Variants in RPS6KA3 observed in about 807,000 individuals in gnomAD.
The protein encoded by RPS6KA3 is ribosomal protein S6 kinase alpha-3.
In RPS6KA3, 4 loss-of-function variants were observed where a neutral mutation model predicts 67.2. That is an observed-to-expected ratio of 0.06 (90% CI 0.03 to 0.14). The LOEUF (loss-of-function observed/expected upper bound fraction) is 0.14, where lower values mean the gene tolerates loss of function less well. Ranked by LOEUF, RPS6KA3 falls within the 10% of genes least tolerant of loss-of-function variation. The pLI, the probability that RPS6KA3 is intolerant of heterozygous loss-of-function variation, is 1.00. For synonymous variants in RPS6KA3, 182 were observed against 183.7 expected (o/e 0.99, Z 0.07); for missense variants, 204 against 559.0 (o/e 0.36, Z 6.40).
chrX:20,192,592 C>CTTTTTTT (rs1159974637), intron 7 of RPS6KA3, among the ~76,000 whole-genome samples: 5 of 45,414 alleles, frequency 1.1e-4, no homozygotes, highest in Non-Finnish European at 1.8e-4. Flanking sequence ...TGTAAATTTT[C>CTTTTTTT]TTTTTTTTTT....
chrX:20,259,052 T>G (rs1244191370), intron 1 of RPS6KA3, among the ~76,000 whole-genome samples: 1 of 112,063 alleles, frequency 8.9e-6, no homozygotes, highest in Non-Finnish European at 1.9e-5. Flanking sequence ...AATCACTATT[T>G]ATTATTTGGT....
intron 16 of RPS6KA3, among the ~76,000 whole-genome samples, chrX:20,169,127 A>G (rs755305707): frequency 8.9e-6 from 1 of 112,190 alleles, no homozygotes; most frequent in East Asian, 2.8e-4. Flanking sequence ...TACTGGGATT[A>G]CAGGTGTGAG....
intron 1 of RPS6KA3, among the ~76,000 whole-genome samples, chrX:20,258,120 T>C (rs1224777304): frequency 8.9e-6 from 1 of 112,037 alleles, no homozygotes; most frequent in East Asian, 2.8e-4. Flanking sequence ...TGCATTCAAT[T>C]TGTACTAATC....
At chrX:20,249,187 G>A (rs756586961) in intron 1 of RPS6KA3, among the ~76,000 whole-genome samples, 4 of 111,804 alleles carry the variant, frequency 3.6e-5, no homozygotes, top group Non-Finnish European at 7.5e-5. Context: ...TCCATGATGT[G>A]GATGTGCTAG....
chrX:20,156,880 G>A (rs1415651313), intron 20 of RPS6KA3, among the ~76,000 whole-genome samples: 1 of 60,345 alleles, frequency 1.7e-5, no homozygotes, highest in Non-Finnish European at 3.0e-5. Context: ...CTTTTTTTGT[G>A]CTGCTGGTAA....
At position 20,241,809 on chromosome X, in the gene RPS6KA3, T is replaced by A. The variant is rs1013902706; in HGVS notation, c.70-6995A>T. 1.2e-4 allele frequency: 13 copies of A among 111,869 alleles called. No homozygotes were observed. The East Asian group carries it at 3.6e-3, about 31-fold the overall frequency. 9.2% of individuals were successfully genotyped at this position (111,869 alleles called of 1,213,427 possible). A position where few individuals can be genotyped will look rare whatever the true frequency, so the allele number is the denominator to read the frequency against. ...CATTGAAGTAATCACTTACAGAGAA[T>A]TGAAAAGGAAAAGTTATGATCTAAG... On this transcript the variant is annotated intron_variant, in intron 1 of 21. Transcript: ENST00000379565.
rs73447147 is a variant in RPS6KA3 at position 20,258,802 on chromosome X, C to T, written c.69+7762G>A. Among the ~76,000 whole-genome samples the T allele has an allele frequency of 1.4e-3, 155 of 112,296 alleles. 1 individual carries two copies. Among genetic ancestry groups the T allele is most frequent in the Middle Eastern group, 4.6e-3 (1 of 217 alleles). On this transcript the variant is annotated intron_variant, in intron 1 of 21. Transcript: ENST00000379565. ...AAAAGTGCTTTTAGATTTACACCTACGTGTAGAGTAACAAATATTTAGGAA... is the reference window on the plus strand; with the variant it reads ...AAAAGTGCTTTTAGATTTACACCTATGTGTAGAGTAACAAATATTTAGGAA...
Position 20,266,621 on chromosome X carries a change from C to T in RPS6KA3, c.12G>A (p.Ala4=). MPL[A]QLADPWQKMA... ...TCTTCTGCCACGGGTCCGCCAGCTG[C>T]GCCAGCGGCATCTTCCCCCCCGGCC... Residue 4 remains alanine, a synonymous_variant, in exon 1 of 22, where the codon GCG becomes GCA. Transcript: ENST00000379565. 2.6e-6 allele frequency: 3 copies of T among 1,146,260 alleles called. No individual in the cohort carries two copies. The highest frequency in any genetic ancestry group is 3.5e-6 in the Non-Finnish European group (3 of 866,056). The allele number at this position is 1,146,260 out of a possible 1,213,427, so 94.5% of individuals were successfully genotyped here.
At chrX:20,177,985 T>A (rs1008717292) in intron 10 of RPS6KA3, among the ~76,000 whole-genome samples, 1 of 111,977 alleles carries the variant, frequency 8.9e-6, no homozygotes, top group Non-Finnish European at 1.9e-5. Context: ...AAACCAATGA[T>A]CCTGTAAGTA....
intron 2 of RPS6KA3, among the ~76,000 whole-genome samples, chrX:20,232,977 T>C (rs1447874547): frequency 4.6e-5 from 5 of 109,800 alleles, no homozygotes. Flanking sequence ...TCTACTAAAA[T>C]TGCAAAAAAT....
At chrX:20,184,049 T>C (rs369922057) in intron 10 of RPS6KA3, among the ~76,000 whole-genome samples, 2 of 111,927 alleles carry the variant, frequency 1.8e-5, no homozygotes, top group East Asian at 5.6e-4. Flanking sequence ...CCTTTTACTT[T>C]TTTATTTTTT....
rs2067122286 is a variant in RPS6KA3 at position 20,152,679 on chromosome X, T to C, written c.*2719A>G. 1 of 112,375 alleles carries C rather than the reference T, an allele frequency of 8.9e-6. No homozygotes were observed. The highest frequency in any genetic ancestry group is 3.7e-4 in the South Asian group (1 of 2,700). The allele number at this position is 112,375 out of a possible 1,213,427, so 9.3% of individuals were successfully genotyped here. A position where few individuals can be genotyped will look rare whatever the true frequency, so the allele number is the denominator to read the frequency against. On this transcript the variant is annotated 3_prime_UTR_variant, in exon 22 of 22. Transcript: ENST00000379565. Reference sequence around the variant, plus strand: ...TAGAGCACATCGTTGGCCAAGTTTTTCCACTGTATGTCAAAAGCAATGGAA... The same window carrying C: ...TAGAGCACATCGTTGGCCAAGTTTTCCCACTGTATGTCAAAAGCAATGGAA...
chrX:20,167,375 T>G (rs1054589042), intron 17 of RPS6KA3, among the ~76,000 whole-genome samples: 1 of 111,805 alleles, frequency 8.9e-6, no homozygotes. Flanking sequence ...TACTTTTTCT[T>G]GGAAGCACAA....
chrX:20,212,088 C>G lies in RPS6KA3; in HGVS notation c.127-2684G>C, dbSNP rs758249627. Among the ~76,000 whole-genome samples, 204 of 111,772 alleles carry G rather than the reference C, an allele frequency of 1.8e-3. 1 individual carries two copies. Among genetic ancestry groups the G allele is most frequent in the African/African-American group, 6.5e-3 (199 of 30,798 alleles). ...AGCAGGCATACAGGATCAACCCTTA[C>G]CCTTAAATAGTGTGAGCTACAATCA... On this transcript the variant is annotated intron_variant, in intron 2 of 21. Coordinates refer to ENST00000379565, the MANE Select transcript of RPS6KA3 (RefSeq NM_004586.3).
intron 2 of RPS6KA3, among the ~76,000 whole-genome samples, chrX:20,211,636 G>A (rs1218120394): frequency 9.1e-6 from 1 of 109,889 alleles, no homozygotes; most frequent in Non-Finnish European, 1.9e-5. Flanking sequence ...TTATATACAC[G>A]TAAAGAAGTT....
chrX:20,165,782 C>T (rs185761540), intron 17 of RPS6KA3, among the ~76,000 whole-genome samples: 1 of 111,891 alleles, frequency 8.9e-6, no homozygotes, highest in African/African-American at 3.2e-5. Flanking sequence ...AGGTGTTACA[C>T]ATGCAAGAAA....
chrX:20,151,523 G>C lies in RPS6KA3; in HGVS notation c.*3875C>G, dbSNP rs900253935. 4.4e-5 allele frequency: 5 copies of C among 112,405 alleles called. No individual in the cohort carries two copies. The Admixed American group carries it at 4.7e-4, about 11-fold the overall frequency. The allele number at this position is 112,405 out of a possible 1,213,427, so 9.3% of individuals were successfully genotyped here. On this transcript the variant is annotated 3_prime_UTR_variant, in exon 22 of 22. Transcript: ENST00000379565. Reference sequence around the variant, plus strand: ...TCAGAGGGACACAACTCTAGGACTAGATTGAAACCTCCTGGTTTAAGCACC... The same window carrying C: ...TCAGAGGGACACAACTCTAGGACTACATTGAAACCTCCTGGTTTAAGCACC...
intron 1 of RPS6KA3, among the ~76,000 whole-genome samples, chrX:20,255,858 C>T (rs1427343894): frequency 1.1e-5 from 1 of 94,423 alleles, no homozygotes; most frequent in African/African-American, 3.9e-5. Context: ...CCTGTAATCT[C>T]ATCACTTTGG....
chrX:20,175,362 CT>C, intron 13 of RPS6KA3, 74 bp from the exon 14 acceptor site: 2 of 1,034,503 alleles, frequency 1.9e-6, no homozygotes, highest in Non-Finnish European at 2.7e-6. Flanking sequence ...ACACTATGAC[CT>C]TTTTCACTTA....
Sources: allele counts gnomAD v4.1 joint callset (sites outside exome capture counted in the v4.1 genomes callset), GRCh38; gene constraint gnomAD v4.1.1; transcripts MANE v1.5; gene names NCBI Gene and HGNC (gene_info 2026-07-23, HGNC 2026-07-21).